SORCS2: variants seen among roughly 807,000 people sequenced by gnomAD.
The protein encoded by SORCS2 is sortilin related VPS10 domain containing receptor 2, also known as VPS10 domain-containing receptor SorCS2.
A neutral mutation model predicts 141.6 loss-of-function variants in SORCS2; 100 were observed. The ratio of observed to expected loss-of-function variants is 0.71; its 90% CI spans 0.60 to 0.83. The LOEUF (loss-of-function observed/expected upper bound fraction) is 0.83. SORCS2 is among the 40% of genes least tolerant of loss of function. The pLI, the probability that SORCS2 is intolerant of heterozygous loss-of-function variation, is 0.00. For missense variants in SORCS2, 1,646 were observed against 1,560.2 expected, an observed-to-expected ratio of 1.05 and a Z score of -0.93; for synonymous variants, 789 against 676.9, an observed-to-expected ratio of 1.17 and a Z score of -2.57.
At chr4:7,676,335 GTCT>G in intron 9 of SORCS2, 106 bp downstream of exon 9, 1 of 1,236,188 alleles carries the variant, frequency 8.1e-7, no homozygotes, top group Middle Eastern at 2.7e-4. Context: ...CTATATAGCT[GTCT>G]CAAGGGTCTG....
At chr4:7,437,375 C>T (rs772596486) in intron 2 of SORCS2, among the ~76,000 whole-genome samples, 5 of 152,220 alleles carry the variant, frequency 3.3e-5, no homozygotes, top group Non-Finnish European at 7.3e-5. Flanking sequence ...TCCACACCCT[C>T]TGGGTGTGCC....
At chr4:7,654,586 C>T (rs1006141702) in intron 5 of SORCS2, among the ~76,000 whole-genome samples, 4 of 152,174 alleles carry the variant, frequency 2.6e-5, no homozygotes, top group Admixed American at 1.3e-4. Context: ...GCGCAGCACC[C>T]GGCCCACCAC....
At chr4:7,450,950 G>A (rs901357206) in intron 2 of SORCS2, among the ~76,000 whole-genome samples, 3 of 151,988 alleles carry the variant, frequency 2.0e-5, no homozygotes, top group Non-Finnish European at 4.4e-5. Context: ...GTAAATGAGT[G>A]AGTGGATGGG....
At chr4:7,378,840 C>A (rs899973336) in intron 1 of SORCS2, among the ~76,000 whole-genome samples, 9 of 152,150 alleles carry the variant, frequency 5.9e-5, no homozygotes, top group Non-Finnish European at 1.2e-4. Context: ...AGGTCCAGGC[C>A]CATTCTGTGA....
intron 5 of SORCS2, among the ~76,000 whole-genome samples, chr4:7,660,096 C>T (rs1722055779): frequency 1.3e-5 from 2 of 152,218 alleles, no homozygotes; most frequent in Non-Finnish European, 2.9e-5. Flanking sequence ...TGTACCTGAG[C>T]ACCTGCCACC....
intron 3 of SORCS2, among the ~76,000 whole-genome samples, chr4:7,540,620 G>A (rs988318804): frequency 1.3e-5 from 2 of 152,228 alleles, no homozygotes; most frequent in Admixed American, 6.5e-5. Context: ...ATCCTGCTGC[G>A]CAGTTCTTCC....
chr4:7,629,618 G>A (rs1719749920), intron 3 of SORCS2, among the ~76,000 whole-genome samples: 1 of 151,694 alleles, frequency 6.6e-6, no homozygotes, highest in Non-Finnish European at 1.5e-5. Context: ...TCCATCCTAG[G>A]CCAGTTCTTT....
intron 2 of SORCS2, among the ~76,000 whole-genome samples, chr4:7,482,564 G>A (rs1261473448): frequency 1.2e-5 from 1 of 82,940 alleles, no homozygotes; most frequent in Non-Finnish European, 2.2e-5. Flanking sequence ...ACGCTGTTCA[G>A]ACCTGTATCC....
At chr4:7,415,987 T>C (rs1344448846) in intron 2 of SORCS2, among the ~76,000 whole-genome samples, 1 of 152,146 alleles carries the variant, frequency 6.6e-6, no homozygotes, top group Non-Finnish European at 1.5e-5. Flanking sequence ...GGAAACATGA[T>C]GTGCAGAAAC....
intron 1 of SORCS2, among the ~76,000 whole-genome samples, chr4:7,264,795 TGAGGGTGCAGGG>T (rs1211717271): frequency 6.6e-6 from 1 of 152,172 alleles, no homozygotes; most frequent in African/African-American, 2.4e-5. Context: ...GGCCAGACCC[TGAGGGTGCAGGG>T]GAGATGCACC....
At chr4:7,376,104 A>G (rs1055182126) in intron 1 of SORCS2, among the ~76,000 whole-genome samples, 4 of 152,236 alleles carry the variant, frequency 2.6e-5, no homozygotes, top group Non-Finnish European at 5.9e-5. Context: ...GTAGGAGTGC[A>G]GTTGGTGACA....
intron 3 of SORCS2, among the ~76,000 whole-genome samples, chr4:7,546,056 C>A (rs1235354786): frequency 1.3e-5 from 2 of 151,956 alleles, no homozygotes; most frequent in Non-Finnish European, 2.9e-5. Flanking sequence ...CACAAGGGCT[C>A]CACCCTCATG....
chr4:7,686,787 A>G (rs568897035), intron 10 of SORCS2, among the ~76,000 whole-genome samples: 3 of 152,268 alleles, frequency 2.0e-5, no homozygotes, highest in Admixed American at 6.5e-5. Context: ...CGTGTGTCAG[A>G]CACCAGCATG....
In SORCS2 at chr4:7,736,919, G is replaced by A. The variant is rs1017927243; in HGVS notation, c.3312-150G>A. 4.1e-5 allele frequency: 40 copies of A among 967,112 alleles called. No individual in the cohort carries two copies. The Middle Eastern group carries it at 9.5e-4, about 23-fold the overall frequency. 59.9% of individuals were successfully genotyped at this position (967,112 alleles called of 1,614,324 possible). A position where few individuals can be genotyped will look rare whatever the true frequency, so the allele number is the denominator to read the frequency against. On this transcript the variant is annotated intron_variant, in intron 25 of 26. Coordinates refer to ENST00000507866, the MANE Select transcript of SORCS2 (RefSeq NM_020777.3). ...GGCTTTGAGCAGAGATGGGGCAGGA[G>A]GCAAAACTTGGGGCTGGGGTAGGCA...
At chr4:7,526,812 A>G (rs1230469960) in intron 2 of SORCS2, among the ~76,000 whole-genome samples, 2 of 152,254 alleles carry the variant, frequency 1.3e-5, no homozygotes, top group Non-Finnish European at 2.9e-5. Flanking sequence ...AACTGCTGTA[A>G]GAAATAAAGC....
At chr4:7,685,617 G>A (rs1452660095) in intron 10 of SORCS2, among the ~76,000 whole-genome samples, 2 of 152,302 alleles carry the variant, frequency 1.3e-5, no homozygotes, top group East Asian at 3.9e-4. Flanking sequence ...GTTGCAGTGA[G>A]CTGAGATCGT....
At chr4:7,249,313 G>A (rs886455879) in intron 1 of SORCS2, among the ~76,000 whole-genome samples, 1 of 152,146 alleles carries the variant, frequency 6.6e-6, no homozygotes, top group Non-Finnish European at 1.5e-5. Context: ...TCTTCATGTG[G>A]CTTGGGCTTC....
At chr4:7,276,130 A>G (rs1055516490) in intron 1 of SORCS2, among the ~76,000 whole-genome samples, 2 of 152,184 alleles carry the variant, frequency 1.3e-5, no homozygotes, top group Non-Finnish European at 2.9e-5. Flanking sequence ...CCTTCCAGCC[A>G]CCAGCCCCGC....
intron 11 of SORCS2, among the ~76,000 whole-genome samples, chr4:7,693,399 G>C (rs1049964966): frequency 6.6e-6 from 1 of 152,198 alleles, no homozygotes; most frequent in Admixed American, 6.5e-5. Context: ...CATGCCCAGG[G>C]CAGGTCCTCG....
Sources: gnomAD v4.1 joint callset for allele counts (sites outside exome capture counted in the v4.1 genomes callset) on GRCh38, gnomAD v4.1.1 for gene constraint, MANE v1.5 for transcripts, NCBI Gene and HGNC (gene_info 2026-07-23, HGNC 2026-07-21) for gene names.